Variants in SYT9 observed in about 807,000 individuals in gnomAD.
SYT9 encodes synaptotagmin-9.
Under a neutral mutation model 48.4 loss-of-function variants are expected in SYT9, and 22 were observed. That is an observed-to-expected ratio of 0.45 (90% CI 0.32 to 0.65). The LOEUF is 0.65. Ranked by LOEUF, SYT9 falls within the 30% of genes least tolerant of loss-of-function variation. SYT9 has a pLI of 0.03. For synonymous variants in SYT9, 265 were observed against 245.0 expected (o/e 1.08, Z -0.76); for missense variants, 577 against 622.0 (o/e 0.93, Z 0.77).
intron 1 of SYT9, among the ~76,000 whole-genome samples, chr11:7,301,916 A>C (rs12292494): frequency 0.17 from 26,191 of 152,120 alleles, 2,676 homozygotes; most frequent in African/African-American, 0.29. Context: ...AGGGGGTGAA[A>C]TGTTTTGAAC....
At chr11:7,372,834 G>A (rs1290683264) in intron 3 of SYT9, among the ~76,000 whole-genome samples, 1 of 151,952 alleles carries the variant, frequency 6.6e-6, no homozygotes, top group Non-Finnish European at 1.5e-5. Flanking sequence ...ATTATTTTAT[G>A]GCATAAGCTG....
chr11:7,277,513 A>G (rs1197722138), intron 1 of SYT9, among the ~76,000 whole-genome samples: 1 of 151,698 alleles, frequency 6.6e-6, no homozygotes, highest in African/African-American at 2.4e-5. Flanking sequence ...AGAAGATTAC[A>G]TCCATTTTTT....
At chr11:7,297,908 T>C (rs1266674161) in intron 1 of SYT9, among the ~76,000 whole-genome samples, 1 of 152,228 alleles carries the variant, frequency 6.6e-6, no homozygotes, top group African/African-American at 2.4e-5. Context: ...TGGTTCTAAT[T>C]TCTTTGTTAT....
chr11:7,374,777 T>C (rs976864103), intron 3 of SYT9, among the ~76,000 whole-genome samples: 1 of 152,234 alleles, frequency 6.6e-6, no homozygotes, highest in Non-Finnish European at 1.5e-5. Flanking sequence ...GATTGTTTTT[T>C]TCTTGTAAAT....
Position 7,434,649 on chromosome 11 carries a change from G to A in SYT9, c.1467+14014G>A, listed in dbSNP as rs532014884. Among the ~76,000 whole-genome samples, 16 of 152,228 alleles carry A rather than the reference G, an allele frequency of 1.1e-4. No homozygotes were observed. In the South Asian group the frequency reaches 2.9e-3, roughly 28 times the overall value. On this transcript the variant is annotated intron_variant, in intron 6 of 6. Transcript: ENST00000318881. ...CCCAAAGTATGGCAGGGCAGCCAGC[G>A]GAGCAGTTCTACCTCTCTACCTTGG...
intron 3 of SYT9, among the ~76,000 whole-genome samples, chr11:7,380,582 C>G (rs1040886970): frequency 1.3e-5 from 2 of 149,148 alleles, no homozygotes; most frequent in Admixed American, 1.3e-4. Context: ...TTTGCACCCA[C>G]CAAAATTTAC....
chr11:7,303,014 AC>A, intron 1 of SYT9, 24 bp from the exon 2 acceptor site: 1 of 1,603,748 alleles, frequency 6.2e-7, no homozygotes, highest in Non-Finnish European at 8.5e-7. Flanking sequence ...GACCACACTG[AC>A]CTTTGATCTT....
intron 3 of SYT9, among the ~76,000 whole-genome samples, chr11:7,314,779 T>C (rs1382591514): frequency 1.3e-5 from 2 of 152,228 alleles, no homozygotes; most frequent in African/African-American, 4.8e-5. Flanking sequence ...TGAGATAACT[T>C]TGTTAGCTCC....
intron 3 of SYT9, among the ~76,000 whole-genome samples, chr11:7,323,248 G>C (rs979433527): frequency 1.3e-5 from 2 of 152,024 alleles, no homozygotes; most frequent in Admixed American, 1.3e-4. Flanking sequence ...GTATCTCTAA[G>C]AAGTTTGACC....
intron 3 of SYT9, among the ~76,000 whole-genome samples, chr11:7,317,113 A>G (rs1056047342): frequency 1.3e-4 from 20 of 152,350 alleles, no homozygotes; most frequent in African/African-American, 4.8e-4. Flanking sequence ...GTGTAATAAA[A>G]TGTATCAGGA....
At chr11:7,421,900 A>G (rs1040967181) in intron 6 of SYT9, among the ~76,000 whole-genome samples, 11 of 152,204 alleles carry the variant, frequency 7.2e-5, no homozygotes, top group African/African-American at 2.4e-4. Context: ...AAGGAGAGAG[A>G]TGTTTACTGT....
intron 3 of SYT9, among the ~76,000 whole-genome samples, chr11:7,334,815 CA>C (rs1849606796): frequency 6.6e-6 from 1 of 152,138 alleles, no homozygotes; most frequent in South Asian, 2.1e-4. Context: ...ATTAATAATT[CA>C]ATCTTTTTAT....
At chr11:7,298,881 C>T (rs180906963) in intron 1 of SYT9, among the ~76,000 whole-genome samples, 258 of 152,246 alleles carry the variant, frequency 1.7e-3, no homozygotes, top group African/African-American at 5.5e-3. Flanking sequence ...GAATACACTC[C>T]ATGCAGCTCT....
At chr11:7,388,711 C>T (rs1042509953) in intron 3 of SYT9, among the ~76,000 whole-genome samples, 2 of 151,666 alleles carry the variant, frequency 1.3e-5, no homozygotes, top group Non-Finnish European at 2.9e-5. Flanking sequence ...GTTTTTCATC[C>T]TGTTATTTAT....
intron 6 of SYT9, chr11:7,428,175 C>T (rs1356068245): frequency 1.3e-5 from 2 of 152,168 alleles, no homozygotes; most frequent in African/African-American, 2.4e-5. Context: ...AGGGTAAACA[C>T]TAGAGGTATA....
At chr11:7,389,738 G>A (rs1489537283) in intron 3 of SYT9, among the ~76,000 whole-genome samples, 1 of 152,034 alleles carries the variant, frequency 6.6e-6, no homozygotes, top group East Asian at 1.9e-4. Flanking sequence ...CGAGATCAGT[G>A]AAAACAAGTT....
At chr11:7,305,725 C>T (rs944171405) in intron 2 of SYT9, among the ~76,000 whole-genome samples, 1 of 152,104 alleles carries the variant, frequency 6.6e-6, no homozygotes, top group East Asian at 1.9e-4. Flanking sequence ...CTGCCGACAC[C>T]GTCTTACTGC....
At chr11:7,331,856 G>A (rs1230502547) in intron 3 of SYT9, among the ~76,000 whole-genome samples, 2 of 152,182 alleles carry the variant, frequency 1.3e-5, no homozygotes, top group African/African-American at 2.4e-5. Flanking sequence ...TACCACATTA[G>A]ATTGTAAGTA....
intron 6 of SYT9, among the ~76,000 whole-genome samples, chr11:7,461,495 C>T (rs944132566): frequency 1.3e-5 from 2 of 152,308 alleles, no homozygotes; most frequent in Non-Finnish European, 1.5e-5. Context: ...GCCTCAGCCT[C>T]CCAAGTAGCT....
Sources: gnomAD v4.1 joint callset for allele counts (sites outside exome capture counted in the v4.1 genomes callset) on GRCh38, gnomAD v4.1.1 for gene constraint, MANE v1.5 for transcripts, NCBI Gene and HGNC (gene_info 2026-07-23, HGNC 2026-07-21) for gene names.